DENND4A: variants seen among roughly 807,000 people sequenced by gnomAD.
DENND4A encodes the protein DENN domain containing 4A, also known as C-myc promoter-binding protein.
In DENND4A, 70 loss-of-function variants were observed where a neutral mutation model predicts 199.3. The ratio of observed to expected loss-of-function variants is 0.35; its 90% CI spans 0.29 to 0.43. The LOEUF is 0.43. Ranked by LOEUF, DENND4A falls within the 20% of genes least tolerant of loss-of-function variation. The pLI is 1.00. For synonymous variants in DENND4A, 686 were observed against 766.9 expected (o/e 0.89, Z 1.74); for missense variants, 1,723 against 2,255.8 (o/e 0.76, Z 4.78).
In DENND4A at chr15:65,664,388, T is replaced by C. The variant is rs2075970163; in HGVS notation, c.5529A>G (p.Leu1843=). ...GTGAGAGAAATAGTATTTCTCTGTATAAACTCCTAGGGAGAAAAAGTCATG... is the reference window on the plus strand; with the variant it reads ...GTGAGAGAAATAGTATTTCTCTGTACAAACTCCTAGGGAGAAAAAGTCATG... ...KCPHFKRQRS[L]YREILFLSLV... Residue 1843 remains leucine (L), a synonymous_variant, in exon 32 of 33, where the codon TTA becomes TTG. Transcript: ENST00000443035. 6.2e-7 allele frequency: 1 copy of C among 1,602,354 alleles called. No homozygotes were observed. The highest frequency in any genetic ancestry group is 1.3e-5 in the African/African-American group (1 of 74,438).
chr15:65,720,838 T>C (rs1254287145), intron 12 of DENND4A, among the ~76,000 whole-genome samples: 1 of 151,244 alleles, frequency 6.6e-6, no homozygotes, highest in Non-Finnish European at 1.5e-5. Flanking sequence ...GAATGTGCTC[T>C]GAAGCTATAA....
chr15:65,682,599 G>T (rs563667227), intron 23 of DENND4A, among the ~76,000 whole-genome samples: 1 of 152,110 alleles, frequency 6.6e-6, no homozygotes, highest in Non-Finnish European at 1.5e-5. Flanking sequence ...TATCACTCAT[G>T]TCACTTTTAA....
intron 17 of DENND4A, 92 bp downstream of exon 17, chr15:65,702,213 G>A: frequency 6.6e-6 from 7 of 1,053,636 alleles, no homozygotes; most frequent in Non-Finnish European, 9.9e-6. Context: ...AGACTGCAGT[G>A]AGCCATGACT....
chr15:65,730,969 T>C (rs1301556155), intron 9 of DENND4A, among the ~76,000 whole-genome samples: 1 of 152,058 alleles, frequency 6.6e-6, no homozygotes, highest in African/African-American at 2.4e-5. Flanking sequence ...TTGTTTCTAG[T>C]TTATTTTCAG....
chr15:65,717,680 T>A, intron 13 of DENND4A, 98 bp downstream of exon 13: 2 of 1,076,488 alleles, frequency 1.9e-6, no homozygotes, highest in South Asian at 3.4e-5. Flanking sequence ...AATAGGTATG[T>A]ATTCTCATAA....
rs2140699672 is a variant in DENND4A, at chr15:65,757,635, T to TA, written c.-22-1164dup. Among the ~76,000 whole-genome samples, 3 of 152,252 alleles carry TA rather than the reference T, an allele frequency of 2.0e-5. No individual in the cohort carries two copies. In the South Asian group the frequency reaches 6.2e-4, roughly 32 times the overall value. ...CACACTTGGGTTTGGGGTTTGTACT[T>TA]AAACCATATGGATGGTCCCAGGAAA... On this transcript the variant is annotated intron_variant, in intron 2 of 32. Transcript: ENST00000443035.
At chr15:65,701,993 T>G in intron 17 of DENND4A, 103 bp from the exon 18 acceptor site, 1 of 1,497,138 alleles carries the variant, frequency 6.7e-7, no homozygotes, top group East Asian at 2.3e-5. Context: ...CAGGGCACAG[T>G]GGCTCATGCC....
intron 27 of DENND4A, among the ~76,000 whole-genome samples, chr15:65,668,891 G>A (rs1308046781): frequency 6.6e-6 from 1 of 151,762 alleles, no homozygotes; most frequent in East Asian, 1.9e-4. Context: ...GGCTTCAGCT[G>A]GGAAACAGGA....
chr15:65,729,298 T>C (rs781191759), intron 10 of DENND4A, 51 bp from the exon 11 acceptor site: 6 of 1,528,578 alleles, frequency 3.9e-6, no homozygotes, highest in South Asian at 2.4e-5. Flanking sequence ...CACTGAAGCA[T>C]AATTTATCAG....
At chr15:65,710,707 A>G (rs952476727) in intron 14 of DENND4A, among the ~76,000 whole-genome samples, 4 of 152,234 alleles carry the variant, frequency 2.6e-5, no homozygotes, top group Admixed American at 2.0e-4. Context: ...ATATGTGTCT[A>G]TTCCAAATCT....
intron 1 of DENND4A, chr15:65,772,147 G>A (rs1010591471): frequency 1.2e-5 from 9 of 739,906 alleles, no homozygotes; most frequent in Non-Finnish European, 9.6e-6. Context: ...TCCATAGCTT[G>A]CTCCTTCGAT....
At chr15:65,771,798 G>T (rs2077134311) in intron 1 of DENND4A, 1 of 1,613,442 alleles carries the variant, frequency 6.2e-7, no homozygotes, top group African/African-American at 1.3e-5. Flanking sequence ...GTTCTTCATT[G>T]CCCGTGAGGT....
Position 65,738,719 on chromosome 15 carries a change from G to A in DENND4A, c.788C>T (p.Ala263Val). Residue 263 changes from alanine to valine, a missense_variant, in exon 6 of 33, where the codon GCC becomes GTC. This residue lies in a region of DENND4A where 725 missense variants were observed against 952.9 expected (regional missense o/e 0.76). Transcript: ENST00000443035. ...PVFSTFVLTG[A>V]SAEKVYGAAI... ...AACACATAATACCTTTTCAGCTGAG[G>A]CTCCAGTTAAAACAAAAGTAGAAAA... is the stretch of plus-strand genomic sequence containing the variant. 1 of 1,609,090 alleles carries A rather than the reference G, an allele frequency of 6.2e-7. No homozygotes were observed. Among genetic ancestry groups the A allele is most frequent in the Non-Finnish European group, 8.5e-7 (1 of 1,178,130 alleles).
intron 23 of DENND4A, among the ~76,000 whole-genome samples, chr15:65,686,598 A>G (rs2076790926): frequency 6.6e-6 from 1 of 152,154 alleles, no homozygotes; most frequent in Admixed American, 6.5e-5. Context: ...AAGTCTTGCT[A>G]TGCTGCCCTG....
chr15:65,767,035 C>G (rs191809598), intron 1 of DENND4A, among the ~76,000 whole-genome samples: 1 of 152,034 alleles, frequency 6.6e-6, no homozygotes, highest in Non-Finnish European at 1.5e-5. Flanking sequence ...GTTTCCAGAC[C>G]GACTATAAAC....
chr15:65,716,595 A>G (rs138060021), intron 13 of DENND4A, among the ~76,000 whole-genome samples: 2,521 of 152,136 alleles, frequency 0.017, 30 homozygotes, highest in Non-Finnish European at 0.025. Flanking sequence ...TTATGGCTGC[A>G]TGGTACTCCA....
intron 5 of DENND4A, among the ~76,000 whole-genome samples, chr15:65,739,959 T>C (rs145003159): frequency 8.7e-4 from 133 of 152,186 alleles, no homozygotes; most frequent in African/African-American, 3.1e-3. Flanking sequence ...GGCGGACAGA[T>C]TGCCTGAACT....
Position 65,732,837 on chromosome 15 carries a change from T to G in DENND4A, c.1041-19A>C. The G allele has an allele frequency of 1.0e-5, 15 of 1,479,974 alleles. No homozygotes were observed. Among genetic ancestry groups the G allele is most frequent in the Non-Finnish European group, 1.4e-5 (15 of 1,064,368 alleles). 91.7% of individuals were successfully genotyped at this position (1,479,974 alleles called of 1,614,324 possible). A position where few individuals can be genotyped will look rare whatever the true frequency, so the allele number is the denominator to read the frequency against. On this transcript the variant is annotated intron_variant, in intron 7 of 32. Transcript: ENST00000443035. ...AATATGCCTTGAAAACAAACAAAAG[T>G]GTAAGTGATTCCAAAGTGAACGTCA...
At chr15:65,709,093 C>T (rs7178242) in intron 14 of DENND4A, among the ~76,000 whole-genome samples, 30,255 of 152,010 alleles carry the variant, frequency 0.2, 4,044 homozygotes, top group East Asian at 0.74. Flanking sequence ...AGACAGTTAA[C>T]GTATATTTAA....
Sources: allele counts gnomAD v4.1 joint callset (sites outside exome capture counted in the v4.1 genomes callset), GRCh38; gene constraint gnomAD v4.1.1; regional missense constraint gnomAD v4.1.1; transcripts MANE v1.5; gene names NCBI Gene and HGNC (gene_info 2026-07-23, HGNC 2026-07-21).